FRS2: variants seen among roughly 807,000 people sequenced by gnomAD.
FRS2 encodes fibroblast growth factor receptor substrate 2.
A neutral mutation model predicts 43.9 loss-of-function variants in FRS2; 8 were observed. The ratio of observed to expected loss-of-function variants is 0.18; its 90% CI spans 0.11 to 0.33. The LOEUF is 0.33. FRS2 is among the 10% of genes least tolerant of loss of function. The pLI, the probability that FRS2 is intolerant of heterozygous loss-of-function variation, is 1.00. For missense variants in FRS2, 534 were observed against 627.6 expected (o/e 0.85, Z 1.59); for synonymous variants, 219 against 220.3 (o/e 0.99, Z 0.05).
At chr12:69,568,766 T>A (rs538216854) in intron 4 of FRS2, among the ~76,000 whole-genome samples, 1 of 152,272 alleles carries the variant, frequency 6.6e-6, no homozygotes, top group South Asian at 2.1e-4. Context: ...CCTTTGCAAA[T>A]TTAACTAGAA....
At chr12:69,563,565 G>A (rs1336337380) in intron 4 of FRS2, among the ~76,000 whole-genome samples, 1 of 152,070 alleles carries the variant, frequency 6.6e-6, no homozygotes, top group African/African-American at 2.4e-5. Flanking sequence ...CCCTCTGACC[G>A]TGGGTCAGTT....
chr12:69,542,554 A>G (rs981212200), intron 3 of FRS2, among the ~76,000 whole-genome samples: 1 of 152,200 alleles, frequency 6.6e-6, no homozygotes, highest in African/African-American at 2.4e-5. Context: ...GGTTATGTAA[A>G]GAAAGAAAAT....
At chr12:69,551,272 G>A (rs1878847271) in intron 3 of FRS2, among the ~76,000 whole-genome samples, 1 of 152,134 alleles carries the variant, frequency 6.6e-6, no homozygotes, top group Admixed American at 6.5e-5. Context: ...AGGATCACTT[G>A]AGCCCAAGAG....
chr12:69,518,842 C>A, intron 1 of FRS2, among the ~76,000 whole-genome samples: 2 of 151,582 alleles, frequency 1.3e-5, no homozygotes, highest in East Asian at 1.9e-4. Flanking sequence ...TGGAGAAACC[C>A]CATCTCTACT....
rs1036761286 is a variant in FRS2, at chr12:69,579,168, T to C, written c.*4213T>C. ...CATTTTGTAGCATGGCAATAAAATATAACTTTTACACTGAGGCCGAGTGTG... is the reference window on the plus strand; with the variant it reads ...CATTTTGTAGCATGGCAATAAAATACAACTTTTACACTGAGGCCGAGTGTG... On this transcript the variant is annotated 3_prime_UTR_variant, in exon 9 of 9. Coordinates refer to ENST00000549921, the MANE Select transcript of FRS2 (RefSeq NM_001278356.2). 6.5e-6 allele frequency: 1 copy of C among 152,780 alleles called. No individual in the cohort carries two copies. The allele number at this position is 152,780 out of a possible 1,614,324, so 9.5% of individuals were successfully genotyped here. A position where few individuals can be genotyped will look rare whatever the true frequency, so the allele number is the denominator to read the frequency against.
rs1253748289 is a variant in FRS2 at position 69,576,089 on chromosome 12, CTG to C, written c.*1135_*1136del. On this transcript the variant is annotated 3_prime_UTR_variant, in exon 9 of 9. Transcript: ENST00000549921. ...GTCCATAGGTGATCTCTTTAGCAAA[CTG>C]AGAAAAAAAGGAAGCTACTTTTAAC... is the stretch of plus-strand genomic sequence containing the variant. 3 of 152,462 alleles carry C rather than the reference CTG, an allele frequency of 2.0e-5. No individual in the cohort carries two copies. The highest frequency in any genetic ancestry group is 1.3e-4 in the Admixed American group (2 of 15,258). 9.4% of individuals were successfully genotyped at this position (152,462 alleles called of 1,614,324 possible).
At chr12:69,485,434 G>A (rs935661723) in intron 1 of FRS2, among the ~76,000 whole-genome samples, 3 of 151,778 alleles carry the variant, frequency 2.0e-5, no homozygotes, top group African/African-American at 7.3e-5. Flanking sequence ...CGCCCGCCTC[G>A]ACCTTCCAAA....
chr12:69,489,503 C>T (rs1002834773), intron 1 of FRS2, among the ~76,000 whole-genome samples: 3 of 151,954 alleles, frequency 2.0e-5, no homozygotes, highest in East Asian at 1.9e-4. Flanking sequence ...AATGCCGTCT[C>T]TACTAAAAAT....
chr12:69,497,077 C>G (rs1032141584), intron 1 of FRS2, among the ~76,000 whole-genome samples: 2 of 152,152 alleles, frequency 1.3e-5, no homozygotes, highest in African/African-American at 4.8e-5. Context: ...TACAACAAAT[C>G]TTTATTGACT....
At chr12:69,544,104 CTT>C (rs77592131) in intron 3 of FRS2, among the ~76,000 whole-genome samples, 12 of 134,864 alleles carry the variant, frequency 8.9e-5, no homozygotes, top group Admixed American at 1.5e-4. Context: ...GGGAGGCTTT[CTT>C]TTTTTTTTTT....
At chr12:69,570,764 C>CT (rs1414760558) in intron 6 of FRS2, among the ~76,000 whole-genome samples, 3 of 152,146 alleles carry the variant, frequency 2.0e-5, no homozygotes, top group Non-Finnish European at 2.9e-5. Flanking sequence ...GCTAAATTGA[C>CT]TAAGTGTCTT....
intron 1 of FRS2, among the ~76,000 whole-genome samples, chr12:69,509,539 C>T (rs148238475): frequency 3.1e-4 from 47 of 152,282 alleles, no homozygotes; most frequent in African/African-American, 1.1e-3. Flanking sequence ...TATTCATCTC[C>T]AGAACTTTTT....
intron 1 of FRS2, among the ~76,000 whole-genome samples, chr12:69,491,819 A>G (rs1016966078): frequency 1.3e-5 from 2 of 152,174 alleles, no homozygotes; most frequent in African/African-American, 4.8e-5. Context: ...GACTTTTAAA[A>G]TAATGATTTA....
chr12:69,479,728 A>G (rs1871195003), intron 1 of FRS2, among the ~76,000 whole-genome samples: 1 of 151,124 alleles, frequency 6.6e-6, no homozygotes, highest in African/African-American at 2.4e-5. Context: ...TAGTTTTAGA[A>G]CTGCTACTTT....
intron 1 of FRS2, among the ~76,000 whole-genome samples, chr12:69,529,697 A>G (rs1219122389): frequency 1.3e-5 from 2 of 152,128 alleles, no homozygotes; most frequent in Non-Finnish European, 2.9e-5. Flanking sequence ...AAAAAAATTC[A>G]TCTGTTAATC....
intron 3 of FRS2, among the ~76,000 whole-genome samples, chr12:69,550,909 A>T (rs1027940607): frequency 4.8e-4 from 73 of 152,230 alleles, no homozygotes; most frequent in African/African-American, 1.5e-3. Context: ...AAGTCTTTTT[A>T]AAAAGATTAT....
At chr12:69,565,978 G>A (rs1880262246) in intron 4 of FRS2, among the ~76,000 whole-genome samples, 1 of 125,578 alleles carries the variant, frequency 8.0e-6, no homozygotes, top group African/African-American at 3.4e-5. Flanking sequence ...TGGCAGTGCA[G>A]TAGGTTTTTT....
rs1222530976 is a variant in FRS2 at position 69,477,520 on chromosome 12, G to C, written c.-261+6990G>C. The stretch of plus-strand genomic sequence containing the variant: ...GATGGTCTCAATCTCCTGACCTCGT[G>C]ATCTGCCTGCCTCGGCCTCCCAAAG... On this transcript the variant is annotated intron_variant, in intron 1 of 8. Coordinates refer to ENST00000549921, the MANE Select transcript of FRS2 (RefSeq NM_001278356.2). 2.6e-4 allele frequency among the ~76,000 whole-genome samples: 40 copies of C among 151,090 alleles called. 1 individual carries two copies. Among genetic ancestry groups the C allele is most frequent in the Non-Finnish European group, 4.3e-4 (29 of 67,908 alleles).
chr12:69,500,936 A>C (rs757744352), intron 1 of FRS2, among the ~76,000 whole-genome samples: 8 of 152,186 alleles, frequency 5.3e-5, no homozygotes, highest in Non-Finnish European at 8.8e-5. Flanking sequence ...TTGTCCCTTA[A>C]TTCTGAACAC....
Sources: gnomAD v4.1 joint callset for allele counts (sites outside exome capture counted in the v4.1 genomes callset) on GRCh38, gnomAD v4.1.1 for gene constraint, MANE v1.5 for transcripts, NCBI Gene and HGNC (gene_info 2026-07-23, HGNC 2026-07-21) for gene names.